The following PROX1 variants were observed in gnomAD, a reference collection of about 807,000 sequenced individuals.
PROX1 encodes prospero homeobox protein 1.
Under a neutral mutation model 58.8 loss-of-function variants are expected in PROX1, and 7 were observed. The ratio of observed to expected loss-of-function variants is 0.12; its 90% confidence interval spans 0.07 to 0.22. The LOEUF is 0.22. Among genes scored for constraint, PROX1 ranks in the 10% least tolerant of loss-of-function variants. PROX1 has a pLI of 1.00. For synonymous variants in PROX1, 350 were observed against 358.3 expected, an observed-to-expected ratio of 0.98 and a Z score of 0.26; for missense variants, 675 against 927.8, an observed-to-expected ratio of 0.73 and a Z score of 3.54.
At chr1:214,009,716 T>TA (rs1663842092) in intron 3 of PROX1, among the ~76,000 whole-genome samples, 1 of 152,154 alleles carries the variant, frequency 6.6e-6, no homozygotes, top group Non-Finnish European at 1.5e-5. Flanking sequence ...ATTAGGTCAT[T>TA]CGTGACCATT....
rs79469143 is a variant in PROX1, at chr1:214,009,447, A to T, written c.1834-2074A>T. Among the ~76,000 whole-genome samples the T allele has an allele frequency of 3.9e-5, 6 of 152,206 alleles. No individual in the cohort carries two copies. The East Asian group carries it at 1.2e-3, about 29-fold the overall frequency. On this transcript the variant is annotated intron_variant, in intron 3 of 4. Coordinates refer to ENST00000366958, the MANE Select transcript of PROX1 (RefSeq NM_001270616.2). The stretch of plus-strand genomic sequence containing the variant: ...TAATACTTTTTCTCCCCCAGTGTGA[A>T]TATCTAGAAAAGCGGGGGCTTGCTT...
In PROX1 at chr1:213,988,052, G is replaced by T. The variant is rs1363439636; in HGVS notation, c.-499G>T. On this transcript the variant is annotated 5_prime_UTR_variant, in exon 1 of 5. Coordinates refer to ENST00000366958, the MANE Select transcript of PROX1 (RefSeq NM_001270616.2). ...GCGCAAAAGAGCTCTCGCCGGGTCC[G>T]CCTGCTCCCTCTCCGCTTCGCTCCT... 6.6e-6 allele frequency: 1 copy of T among 152,018 alleles called. No homozygotes were observed. The highest frequency in any genetic ancestry group is 2.0e-4 in the East Asian group (1 of 4,996). The allele number at this position is 152,018 out of a possible 1,614,324, so 9.4% of individuals were successfully genotyped here.
chr1:214,026,456 T>G (rs1005528510), intron 4 of PROX1, among the ~76,000 whole-genome samples: 1 of 152,220 alleles, frequency 6.6e-6, no homozygotes, highest in Non-Finnish European at 1.5e-5. Flanking sequence ...GATCTCTACA[T>G]GCAGAATTGC....
intron 4 of PROX1, among the ~76,000 whole-genome samples, chr1:214,019,717 G>A (rs189807883): frequency 6.6e-6 from 1 of 152,236 alleles, no homozygotes; most frequent in South Asian, 2.1e-4. Context: ...TGCTCTGGGG[G>A]CCCTGGCACA....
chr1:214,017,695 C>T (rs1217328063), intron 4 of PROX1, among the ~76,000 whole-genome samples: 1 of 152,084 alleles, frequency 6.6e-6, no homozygotes, highest in Non-Finnish European at 1.5e-5. Context: ...CACCCCCCCA[C>T]AAATGATCTA....
intron 2 of PROX1, among the ~76,000 whole-genome samples, chr1:214,002,537 AG>A (rs1663559407): frequency 6.6e-6 from 1 of 151,880 alleles, no homozygotes; most frequent in Non-Finnish European, 1.5e-5. Flanking sequence ...ATTGAGGCAC[AG>A]CCACATGAGC....
At chr1:214,005,077 C>G in intron 2 of PROX1, 88 bp from the exon 3 acceptor site, 1 of 1,040,766 alleles carries the variant, frequency 9.6e-7, no homozygotes, top group Non-Finnish European at 1.5e-6. Flanking sequence ...GATGGACCCC[C>G]AGACTCTATG....
In PROX1 at chr1:214,037,199, A is replaced by G. The variant is rs1282697035; in HGVS notation, c.*1365A>G. The G allele has an allele frequency of 6.6e-6, 1 of 152,066 alleles. No individual in the cohort carries two copies. Among genetic ancestry groups the G allele is most frequent in the Non-Finnish European group, 1.5e-5 (1 of 68,006 alleles). 9.4% of individuals were successfully genotyped at this position (152,066 alleles called of 1,614,324 possible). A position where few individuals can be genotyped will look rare whatever the true frequency, so the allele number is the denominator to read the frequency against. The stretch of plus-strand genomic sequence containing the variant: ...ATGATGTACAGTGTTCCCTACTTGC[A>G]TTGAAAAAACTCGTATGGCATTCAC... On this transcript the variant is annotated 3_prime_UTR_variant, in exon 5 of 5. Coordinates refer to ENST00000366958, the MANE Select transcript of PROX1 (RefSeq NM_001270616.2).
chr1:214,019,765 C>G (rs1169382415), intron 4 of PROX1, among the ~76,000 whole-genome samples: 1 of 152,180 alleles, frequency 6.6e-6, no homozygotes, highest in African/African-American at 2.4e-5. Context: ...GTTGCGTTGG[C>G]AAATGTCCCA....
intron 4 of PROX1, among the ~76,000 whole-genome samples, chr1:214,018,538 T>C (rs923170585): frequency 3.3e-5 from 5 of 152,036 alleles, no homozygotes; most frequent in African/African-American, 9.7e-5. Context: ...TTGAGAAGGG[T>C]AGGAAAAAGA....
chr1:214,031,171 G>A lies in PROX1; in HGVS notation c.2029-4478G>A, dbSNP rs140310577. Among the ~76,000 whole-genome samples, 75 of 152,230 alleles carry A rather than the reference G, an allele frequency of 4.9e-4. No individual in the cohort carries two copies. In the East Asian group the frequency reaches 0.014, roughly 28 times the overall value. ...TTCTGCATTTCATGGAAGCCCAGAA[G>A]GCTCTTGTTTGCTCTGAGGAGACTC... On this transcript the variant is annotated intron_variant, in intron 4 of 4. Coordinates refer to ENST00000366958, the MANE Select transcript of PROX1 (RefSeq NM_001270616.2).
At chr1:214,032,211 G>A (rs908974579) in intron 4 of PROX1, among the ~76,000 whole-genome samples, 4 of 152,044 alleles carry the variant, frequency 2.6e-5, no homozygotes, top group African/African-American at 7.2e-5. Flanking sequence ...AGAAATTGCT[G>A]AAAAAGCATT....
chr1:214,027,006 G>A lies in PROX1; in HGVS notation c.2029-8643G>A, dbSNP rs12040572. Among the ~76,000 whole-genome samples the A allele has an allele frequency of 1.1e-3, 166 of 152,270 alleles. 2 individuals are homozygous for A. The East Asian group carries it at 0.03, about 27-fold the overall frequency. On this transcript the variant is annotated intron_variant, in intron 4 of 4. Coordinates refer to ENST00000366958, the MANE Select transcript of PROX1 (RefSeq NM_001270616.2). ...TTGCTATCAGCATTTATAAGGGCTG[G>A]TGTGGCATTGGAGGATGTCAAGTGG...
At chr1:214,012,897 T>C (rs1663962939) in intron 4 of PROX1, among the ~76,000 whole-genome samples, 2 of 152,072 alleles carry the variant, frequency 1.3e-5, no homozygotes, top group Admixed American at 1.3e-4. Flanking sequence ...AATTAAGGGG[T>C]CTGACCCCTA....
Position 213,997,791 on chromosome 1 carries a change from A to G in PROX1, c.1256A>G (p.Asn419Ser). The change falls in exon 2 of 5, where the codon AAC becomes AGC. Residue 419 changes from asparagine to serine, a missense_variant. Around this residue, in one of 8 missense-constraint regions of PROX1, gnomAD observed 403 missense variants for 477.4 expected, o/e 0.84. Transcript: ENST00000366958. The surrounding 1 kb of genome is among the most constrained non-coding windows in gnomAD (Gnocchi z 7.1). ...TGCTTTGGCGACGTCATCATTCCGA[A>G]CCCCCTGGACACCTTTGGCAATGTG... ...LQCFGDVIIP[N>S]PLDTFGNVQM... 6.2e-7 allele frequency: 1 copy of G among 1,613,984 alleles called. No homozygotes were observed. Among genetic ancestry groups the G allele is most frequent in the Non-Finnish European group, 8.5e-7 (1 of 1,180,002 alleles).
intron 2 of PROX1, among the ~76,000 whole-genome samples, chr1:214,001,260 G>A (rs1322164684): frequency 2.0e-5 from 3 of 152,186 alleles, no homozygotes; most frequent in African/African-American, 7.2e-5. Flanking sequence ...AAGGGAAATA[G>A]TGAATGTGTA....
chr1:213,991,776 A>G (rs1384391513), intron 1 of PROX1, among the ~76,000 whole-genome samples: 1 of 152,214 alleles, frequency 6.6e-6, no homozygotes, highest in Non-Finnish European at 1.5e-5. Context: ...GCCTCTTTTC[A>G]TGAATGTCTT....
rs189156486 is a variant in PROX1, at chr1:214,004,082, C to A, written c.1726-1083C>A. ...CCTTAGAGAAGCTTCTAGGAAGGGC[C>A]CTTAATTGACCTTGTGGGGGACCAC... On this transcript the variant is annotated intron_variant, in intron 2 of 4. Coordinates refer to ENST00000366958, the MANE Select transcript of PROX1 (RefSeq NM_001270616.2). Among the ~76,000 whole-genome samples the A allele has an allele frequency of 9.1e-4, 139 of 152,220 alleles. 1 individual carries two copies. The highest frequency in any genetic ancestry group is 3.1e-3 in the African/African-American group (129 of 41,532).
intron 4 of PROX1, chr1:214,029,867 T>C (rs1378241943): frequency 6.6e-6 from 1 of 152,466 alleles, no homozygotes; most frequent in African/African-American, 2.4e-5. Flanking sequence ...GTAAAAGCCA[T>C]CTGAAATATT....
Sources: allele counts gnomAD v4.1 joint callset (sites outside exome capture counted in the v4.1 genomes callset), GRCh38; gene constraint gnomAD v4.1.1; regional missense constraint gnomAD v4.1.1; non-coding constraint Gnocchi (gnomAD v3.1); transcripts MANE v1.5; gene names NCBI Gene and HGNC (gene_info 2026-07-23, HGNC 2026-07-21).